The following ESRRB variants were observed in gnomAD, a reference collection of about 807,000 sequenced individuals.
ESRRB encodes the protein steroid hormone receptor ERR2.
Under a neutral mutation model 46.0 loss-of-function variants are expected in ESRRB, and 16 were observed. That is an observed-to-expected ratio of 0.35 (90% CI 0.24 to 0.53). ESRRB has a LOEUF of 0.53. Ranked by LOEUF, ESRRB falls within the 20% of genes least tolerant of loss-of-function variation. ESRRB has a pLI of 0.93. For synonymous variants in ESRRB, 246 were observed against 259.6 expected (o/e 0.95, Z 0.50); for missense variants, 488 against 607.4 (o/e 0.80, Z 2.07).
At chr14:76,476,201 T>C (rs1422400902) in intron 3 of ESRRB, among the ~76,000 whole-genome samples, 1 of 152,146 alleles carries the variant, frequency 6.6e-6, no homozygotes, top group East Asian at 1.9e-4. Flanking sequence ...TCAATTTTTT[T>C]CTATTCATGG....
intron 2 of ESRRB, among the ~76,000 whole-genome samples, chr14:76,444,181 T>C (rs1888036227): frequency 6.6e-6 from 1 of 152,024 alleles, no homozygotes; most frequent in South Asian, 2.1e-4. Context: ...TACAAGCCTG[T>C]GCCACCACAC....
chr14:76,406,572 C>T (rs1886193483), intron 1 of ESRRB, among the ~76,000 whole-genome samples: 1 of 151,998 alleles, frequency 6.6e-6, no homozygotes, highest in Non-Finnish European at 1.5e-5. Context: ...AGTGAAACCC[C>T]GTCTCTACTA....
chr14:76,425,931 T>C (rs906907922), intron 1 of ESRRB, among the ~76,000 whole-genome samples: 2 of 151,978 alleles, frequency 1.3e-5, no homozygotes, highest in Non-Finnish European at 2.9e-5. Context: ...GGATTACAGG[T>C]GTGAGCCACC....
intron 1 of ESRRB, among the ~76,000 whole-genome samples, chr14:76,329,357 T>C (rs1883975030): frequency 6.6e-6 from 1 of 152,076 alleles, no homozygotes; most frequent in South Asian, 2.1e-4. Flanking sequence ...TGTGTGCCAG[T>C]TCCCCATTCC....
chr14:76,481,702 G>C (rs960879701), intron 3 of ESRRB, among the ~76,000 whole-genome samples: 2 of 152,178 alleles, frequency 1.3e-5, no homozygotes, highest in Non-Finnish European at 2.9e-5. Context: ...GACTTCTTCC[G>C]CCAACACTTG....
At chr14:76,415,298 A>G (rs1294275242) in intron 1 of ESRRB, among the ~76,000 whole-genome samples, 1 of 152,246 alleles carries the variant, frequency 6.6e-6, no homozygotes, top group African/African-American at 2.4e-5. Context: ...AGTGAACTTT[A>G]TAGAAGCCAC....
rs886050805 is a variant in ESRRB at position 76,462,564 on chromosome 14, C to T, written c.480C>T (p.Cys160=). ...TTGCAGGGAACATTGAGTACAGCTG[C>T]CCGGCCACCAACGAGTGCGAGATCA... ...RTIQGNIEYS[C]PATNECEITK... The change falls in exon 3 of 7, where the codon TGC becomes TGT. Residue 160 remains cysteine, a synonymous_variant. Coordinates refer to ENST00000644823, the MANE Select transcript of ESRRB (RefSeq NM_001379180.1). The T allele has an allele frequency of 6.2e-7, 1 of 1,613,888 alleles. No individual in the cohort carries two copies. Among genetic ancestry groups the T allele is most frequent in the Non-Finnish European group, 8.5e-7 (1 of 1,179,930 alleles).
intron 3 of ESRRB, among the ~76,000 whole-genome samples, chr14:76,476,876 C>T (rs1161287368): frequency 6.6e-6 from 1 of 152,240 alleles, no homozygotes; most frequent in Non-Finnish European, 1.5e-5. Flanking sequence ...CTGCACTGAA[C>T]ATGGCTGTCC....
intron 1 of ESRRB, among the ~76,000 whole-genome samples, chr14:76,350,429 G>A (rs1032759744): frequency 6.6e-6 from 1 of 152,156 alleles, no homozygotes; most frequent in Admixed American, 6.5e-5. Flanking sequence ...CCAGAAAAAT[G>A]TCAGCAAGCT....
intron 1 of ESRRB, among the ~76,000 whole-genome samples, chr14:76,350,878 G>T (rs1884305409): frequency 6.6e-6 from 1 of 152,214 alleles, no homozygotes; most frequent in African/African-American, 2.4e-5. Flanking sequence ...TCAGTGACAT[G>T]AGGCTTTGGC....
chr14:76,464,407 C>T (rs559716617), intron 3 of ESRRB, among the ~76,000 whole-genome samples: 1 of 152,332 alleles, frequency 6.6e-6, no homozygotes, highest in South Asian at 2.1e-4. Context: ...GAAATTGGAC[C>T]TTCCACTTCC....
chr14:76,410,096 C>G (rs957552232), intron 1 of ESRRB, among the ~76,000 whole-genome samples: 6 of 152,082 alleles, frequency 3.9e-5, no homozygotes, highest in Non-Finnish European at 1.5e-5. Flanking sequence ...TGGTGGCACA[C>G]GCCTGTATTC....
chr14:76,425,596 C>T (rs1249972676), intron 1 of ESRRB, among the ~76,000 whole-genome samples: 1 of 152,114 alleles, frequency 6.6e-6, no homozygotes, highest in Non-Finnish European at 1.5e-5. Flanking sequence ...CCCTGTGCGG[C>T]CCCTCCCTCT....
intron 3 of ESRRB, among the ~76,000 whole-genome samples, chr14:76,469,926 G>GT (rs1356927268): frequency 0.018 from 1,195 of 67,524 alleles, 39 homozygotes; most frequent in African/African-American, 0.052. Context: ...TGTGTTTTTT[G>GT]TTGTTTTTTT....
At position 76,376,498 on chromosome 14, in the gene ESRRB, A is replaced by T; in HGVS notation, c.50+47A>T. 1 of 1,210,480 alleles carries T rather than the reference A, an allele frequency of 8.3e-7. No homozygotes were observed. The highest frequency in any genetic ancestry group is 4.2e-5 in the South Asian group (1 of 23,902). 75.0% of individuals were successfully genotyped at this position (1,210,480 alleles called of 1,614,324 possible). A position where few individuals can be genotyped will look rare whatever the true frequency, so the allele number is the denominator to read the frequency against. On this transcript the variant is annotated intron_variant, in intron 1 of 6. Transcript: ENST00000644823. This position sits in a 1 kb window ranked among gnomAD's most constrained non-coding sequence, Gnocchi z 4.1. ...CTGTCTGTCCTTCTGCCCGTCTGGC[A>T]GTCTCTGTCCTGGGGATCGCAGTTC...
At chr14:76,366,092 A>G (rs1884519141) in intron 1 of ESRRB, among the ~76,000 whole-genome samples, 1 of 152,162 alleles carries the variant, frequency 6.6e-6, no homozygotes, top group African/African-American at 2.4e-5. Context: ...CCCTACCTTC[A>G]GGGAGTGATC....
At chr14:76,349,654 G>A (rs1187355477) in intron 1 of ESRRB, among the ~76,000 whole-genome samples, 1 of 152,154 alleles carries the variant, frequency 6.6e-6, no homozygotes, top group Non-Finnish European at 1.5e-5. Flanking sequence ...AGAGAAGGAT[G>A]AGAAAAAGGA....
intron 6 of ESRRB, chr14:76,495,626 A>C: frequency 6.6e-6 from 1 of 151,638 alleles, no homozygotes; most frequent in Non-Finnish European, 1.5e-5. Context: ...ATAAATAAAT[A>C]AAATAAAGTA....
rs950595120 is a variant in ESRRB at position 76,498,928 on chromosome 14, C to A, written c.*470C>A. 3 of 500,038 alleles carry A rather than the reference C, an allele frequency of 6.0e-6. No homozygotes were observed. Among genetic ancestry groups the A allele is most frequent in the African/African-American group, 5.9e-5 (3 of 51,242 alleles). 31.0% of individuals were successfully genotyped at this position (500,038 alleles called of 1,614,324 possible). A position where few individuals can be genotyped will look rare whatever the true frequency, so the allele number is the denominator to read the frequency against. On this transcript the variant is annotated 3_prime_UTR_variant, in exon 7 of 7. Coordinates refer to ENST00000644823, the MANE Select transcript of ESRRB (RefSeq NM_001379180.1). ...CAGAGGGCAGGTACGCAAGGGACAA[C>A]AGTATCTTTCTTCCAGAGGTCCTAC...
Sources: gnomAD v4.1 joint callset for allele counts (sites outside exome capture counted in the v4.1 genomes callset) on GRCh38, gnomAD v4.1.1 for gene constraint, Gnocchi (gnomAD v3.1) non-coding constraint, MANE v1.5 for transcripts, NCBI Gene and HGNC (gene_info 2026-07-23, HGNC 2026-07-21) for gene names.